SETDB2: variants seen among roughly 807,000 people sequenced by gnomAD.
The protein encoded by SETDB2 is SET domain bifurcated histone lysine methyltransferase 2, also known as histone-lysine N-methyltransferase SETDB2.
SETDB2 carries 56 observed loss-of-function variants against 82.5 expected under a neutral mutation model. That is an observed-to-expected ratio of 0.68 (90% CI 0.55 to 0.85). SETDB2 has a LOEUF of 0.85. Among genes scored for constraint, SETDB2 ranks in the 40% least tolerant of loss-of-function variants. The pLI, the probability that SETDB2 is intolerant of heterozygous loss-of-function variation, is 0.00. For synonymous variants in SETDB2, 272 were observed against 284.9 expected (o/e 0.95, Z 0.46); for missense variants, 677 against 816.4 (o/e 0.83, Z 2.08).
intron 4 of SETDB2, among the ~76,000 whole-genome samples, chr13:49,463,226 G>A (rs763107204): frequency 3.9e-5 from 6 of 151,976 alleles, no homozygotes; most frequent in Non-Finnish European, 8.8e-5. Context: ...GCCCAGACTG[G>A]TCACGAACTC....
intron 2 of SETDB2, among the ~76,000 whole-genome samples, chr13:49,457,642 G>A (rs1957915589): frequency 6.6e-6 from 1 of 151,798 alleles, no homozygotes; most frequent in Non-Finnish European, 1.5e-5. Flanking sequence ...CACCGTGTTG[G>A]CCAGGCATGT....
chr13:49,471,950 A>T (rs1462008525), intron 5 of SETDB2, among the ~76,000 whole-genome samples: 10 of 88,174 alleles, frequency 1.1e-4, no homozygotes, highest in South Asian at 8.4e-4. Context: ...TTTTTTTTTT[A>T]AATAGAGACA....
In SETDB2 at chr13:49,460,235, A is replaced by G. The variant is rs1437763597; in HGVS notation, c.142+3A>G. 3.1e-6 allele frequency: 5 copies of G among 1,611,046 alleles called. No individual in the cohort carries two copies. Among genetic ancestry groups the G allele is most frequent in the Admixed American group, 1.7e-5 (1 of 59,328 alleles). On this transcript the variant is annotated splice_donor_region_variant and intron_variant, in intron 3 of 13. Coordinates refer to ENST00000611815, the MANE Select transcript of SETDB2 (RefSeq NM_001160308.3). ...AGATGGGTCTGCCACCAATAAAGGT[A>G]TGAAGCAATAAAAACTTTGAATATG...
chr13:49,482,239 A>G, intron 8 of SETDB2: 1 of 985,468 alleles, frequency 1.0e-6, no homozygotes, highest in Non-Finnish European at 1.2e-6. Flanking sequence ...CAACTATAAT[A>G]TTGAATCCCT....
intron 1 of SETDB2, among the ~76,000 whole-genome samples, chr13:49,448,537 G>A (rs993673478): frequency 1.3e-5 from 2 of 152,036 alleles, no homozygotes; most frequent in African/African-American, 2.4e-5. Flanking sequence ...GATTTCTTCT[G>A]TAAACCATAT....
intron 3 of SETDB2, among the ~76,000 whole-genome samples, chr13:49,460,736 G>C (rs1389248344): frequency 6.6e-6 from 1 of 152,114 alleles, no homozygotes; most frequent in Non-Finnish European, 1.5e-5. Flanking sequence ...AGGACATACG[G>C]TTTTGAAGCA....
At chr13:49,459,170 G>C (rs1957946466) in intron 2 of SETDB2, among the ~76,000 whole-genome samples, 1 of 152,214 alleles carries the variant, frequency 6.6e-6, no homozygotes, top group South Asian at 2.1e-4. Flanking sequence ...TAACTAGCCA[G>C]AAGTCCCCTT....
At chr13:49,472,941 TAAATTCC>T (rs1015510265) in intron 5 of SETDB2, among the ~76,000 whole-genome samples, 3 of 152,238 alleles carry the variant, frequency 2.0e-5, no homozygotes, top group African/African-American at 7.2e-5. Context: ...TCTTGAAATG[TAAATTCC>T]AAATTACAAG....
At chr13:49,472,745 C>T (rs1958275388) in intron 5 of SETDB2, among the ~76,000 whole-genome samples, 1 of 152,136 alleles carries the variant, frequency 6.6e-6, no homozygotes, top group African/African-American at 2.4e-5. Context: ...CTAAGGTTCA[C>T]ACTAGTGTTT....
chr13:49,452,005 C>T (rs1171883355), intron 2 of SETDB2, 96 bp downstream of exon 2: 13 of 873,802 alleles, frequency 1.5e-5, no homozygotes, highest in South Asian at 5.0e-5. Flanking sequence ...TTTTGCATTG[C>T]GAGGAACTTT....
chr13:49,463,931 T>C (rs1302276912), intron 4 of SETDB2: 2 of 703,452 alleles, frequency 2.8e-6, no homozygotes, highest in Non-Finnish European at 2.6e-6. Context: ...GCTGTGCCTA[T>C]TGCTGCCTCT....
intron 10 of SETDB2, among the ~76,000 whole-genome samples, chr13:49,484,726 G>C (rs1267439294): frequency 6.6e-6 from 1 of 152,204 alleles, no homozygotes; most frequent in East Asian, 1.9e-4. Flanking sequence ...AGAGAAAAGA[G>C]AACAAAGAGA....
chr13:49,485,777 C>G (rs1958585719), intron 11 of SETDB2, 54 bp downstream of exon 11: 2 of 1,332,586 alleles, frequency 1.5e-6, no homozygotes, highest in Non-Finnish European at 1.1e-6. Flanking sequence ...TTCTCTGTCT[C>G]TTGCTCAATA....
Position 49,491,753 on chromosome 13 carries a change from G to A in SETDB2, c.2028G>A (p.Glu676=). Reference sequence around the variant, plus strand: ...CTAGGTATGTGAAAGCAAGAACAGAGCTAACATGGGATTATGGCTATGAAG... The same window carrying A: ...CTAGGTATGTGAAAGCAAGAACAGAACTAACATGGGATTATGGCTATGAAG... ...FTNRYVKART[E]LTWDYGYEAG... is the part of the protein sequence containing the mutation. The change falls in exon 14 of 14, where the codon GAG becomes GAA. Residue 676 remains glutamate, a synonymous_variant. Transcript: ENST00000611815. The A allele has an allele frequency of 6.2e-7, 1 of 1,612,224 alleles. No individual in the cohort carries two copies. The highest frequency in any genetic ancestry group is 1.1e-5 in the South Asian group (1 of 90,710).
intron 11 of SETDB2, among the ~76,000 whole-genome samples, chr13:49,487,074 C>T (rs934070060): frequency 1.3e-5 from 2 of 152,038 alleles, no homozygotes; most frequent in East Asian, 1.9e-4. Context: ...ATATATATAG[C>T]GGGTACTCCA....
chr13:49,446,306 C>T (rs769054248), intron 1 of SETDB2: 35 of 450,874 alleles, frequency 7.8e-5, no homozygotes, highest in Admixed American at 1.9e-4. Flanking sequence ...CAAGGTTATA[C>T]TTATAAAAAC....
Position 49,451,820 on chromosome 13 carries a change from G to T in SETDB2, c.-74G>T. The T allele has an allele frequency of 8.2e-7, 1 of 1,216,954 alleles. No homozygotes were observed. Among genetic ancestry groups the T allele is most frequent in the Non-Finnish European group, 1.2e-6 (1 of 842,170 alleles). The allele number at this position is 1,216,954 out of a possible 1,614,324, so 75.4% of individuals were successfully genotyped here. Reference sequence around the variant, plus strand: ...TTATAGAGACCACAGTTGGATTCCAGTGATATTCTGCAATCAAAGTGATTT... The same window carrying T: ...TTATAGAGACCACAGTTGGATTCCATTGATATTCTGCAATCAAAGTGATTT... On this transcript the variant is annotated 5_prime_UTR_variant, in exon 2 of 14. Coordinates refer to ENST00000611815, the MANE Select transcript of SETDB2 (RefSeq NM_001160308.3).
At chr13:49,469,939 C>G (rs1958194047) in intron 5 of SETDB2, among the ~76,000 whole-genome samples, 1 of 152,088 alleles carries the variant, frequency 6.6e-6, no homozygotes, top group East Asian at 1.9e-4. Context: ...TATTTTTCTC[C>G]TAACAGATTA....
chr13:49,462,026 G>A (rs1331012011), intron 4 of SETDB2, among the ~76,000 whole-genome samples: 1 of 152,212 alleles, frequency 6.6e-6, no homozygotes, highest in East Asian at 1.9e-4. Flanking sequence ...AAGGGCCTGA[G>A]AACAGGAGCT....
Sources: gnomAD v4.1 joint callset for allele counts (sites outside exome capture counted in the v4.1 genomes callset) on GRCh38, gnomAD v4.1.1 for gene constraint, MANE v1.5 for transcripts, NCBI Gene and HGNC (gene_info 2026-07-23, HGNC 2026-07-21) for gene names.